Variants in STPG4 observed in about 807,000 individuals in gnomAD.
The protein encoded by STPG4 is sperm-tail PG-rich repeat containing 4, also known as protein STPG4.
In STPG4, 41 loss-of-function variants were observed where a neutral mutation model predicts 31.5. That is an observed-to-expected ratio of 1.30 (90% confidence interval 1.01 to 1.69). The LOEUF (loss-of-function observed/expected upper bound fraction) is 1.69. STPG4 is among the 40% of genes most tolerant of loss of function. STPG4 has a pLI of 0.00. For synonymous variants in STPG4, 141 were observed against 103.0 expected, an observed-to-expected ratio of 1.37 and a Z score of -2.24; for missense variants, 375 against 293.4, an observed-to-expected ratio of 1.28 and a Z score of -2.03.
intron 5 of STPG4, among the ~76,000 whole-genome samples, chr2:47,093,212 C>T (rs948831690): frequency 6.6e-6 from 1 of 152,164 alleles, no homozygotes; most frequent in Non-Finnish European, 1.5e-5. Flanking sequence ...CAGCCAAGCA[C>T]ACATCTGATA....
At chr2:47,132,554 T>C (rs185338856) in intron 3 of STPG4, among the ~76,000 whole-genome samples, 2 of 152,350 alleles carry the variant, frequency 1.3e-5, no homozygotes, top group African/African-American at 2.4e-5. Context: ...ATTTTCCTGA[T>C]GCACCTGTGC....
chr2:47,122,712 T>C (rs567826993), intron 5 of STPG4, among the ~76,000 whole-genome samples: 2 of 152,284 alleles, frequency 1.3e-5, no homozygotes, highest in African/African-American at 2.4e-5. Flanking sequence ...ATGTTTGCTA[T>C]GCGGTCTTTT....
intron 6 of STPG4, among the ~76,000 whole-genome samples, chr2:47,087,461 C>G (rs968932904): frequency 6.6e-6 from 1 of 152,210 alleles, no homozygotes; most frequent in East Asian, 1.9e-4. Flanking sequence ...TTGGCCCAGG[C>G]AACTCCTATC....
At chr2:47,091,461 ATGT>A (rs754129429) in intron 5 of STPG4, among the ~76,000 whole-genome samples, 34 of 152,322 alleles carry the variant, frequency 2.2e-4, no homozygotes, top group Admixed American at 3.9e-4. Flanking sequence ...TGCTAACATG[ATGT>A]TCATCTTTTT....
chr2:47,090,461 G>T, intron 5 of STPG4, 87 bp from the exon 6 acceptor site: 2 of 838,888 alleles, frequency 2.4e-6, no homozygotes, highest in Non-Finnish European at 1.9e-6. Flanking sequence ...ATAAACATAT[G>T]AATCACTGTG....
chr2:47,146,249 G>C (rs1403381830), intron 3 of STPG4, among the ~76,000 whole-genome samples: 2 of 152,172 alleles, frequency 1.3e-5, no homozygotes, highest in Non-Finnish European at 2.9e-5. Context: ...GCAACGTCTG[G>C]AGACATTTTT....
intron 3 of STPG4, among the ~76,000 whole-genome samples, chr2:47,143,409 T>C (rs1283210401): frequency 6.6e-6 from 1 of 151,842 alleles, no homozygotes; most frequent in Non-Finnish European, 1.5e-5. Flanking sequence ...TAATTATTTA[T>C]TAGTTGAAGC....
chr2:47,137,447 G>C (rs1686618189), intron 3 of STPG4, among the ~76,000 whole-genome samples: 1 of 152,044 alleles, frequency 6.6e-6, no homozygotes, highest in African/African-American at 2.4e-5. Flanking sequence ...TTCGTTTTTT[G>C]TAATGTCTTT....
chr2:47,105,157 T>C (rs1456964492), intron 5 of STPG4, among the ~76,000 whole-genome samples: 1 of 151,880 alleles, frequency 6.6e-6, no homozygotes, highest in African/African-American at 2.4e-5. Flanking sequence ...ACAGAACTTC[T>C]CTTTATACGT....
At chr2:47,125,151 T>G (rs1047867149) in intron 5 of STPG4, among the ~76,000 whole-genome samples, 8 of 152,224 alleles carry the variant, frequency 5.3e-5, no homozygotes, top group African/African-American at 1.9e-4. Flanking sequence ...TTGGGCATGG[T>G]GGCTCATGCC....
intron 5 of STPG4, 104 bp from the exon 6 acceptor site, chr2:47,090,478 T>A: frequency 1.3e-6 from 1 of 758,516 alleles, no homozygotes; most frequent in Non-Finnish European, 2.2e-6. Context: ...TGTGATATAG[T>A]AGAAAAATCC....
In STPG4 at chr2:47,152,063, G is replaced by A. The variant is rs546254158; in HGVS notation, c.142-548C>T. Among the ~76,000 whole-genome samples, 24 of 152,096 alleles carry A rather than the reference G, an allele frequency of 1.6e-4. No individual in the cohort carries two copies. The East Asian group carries it at 2.3e-3, about 15-fold the overall frequency. ...CAGGCGTGAGCCACCAGGCCCGGCC[G>A]AAATTTAAGTTTTTAAAAGGCAACT... On this transcript the variant is annotated intron_variant, in intron 2 of 6. Transcript: ENST00000445927.
chr2:47,102,306 C>T (rs914152691), intron 5 of STPG4, among the ~76,000 whole-genome samples: 2 of 151,850 alleles, frequency 1.3e-5, no homozygotes, highest in African/African-American at 4.9e-5. Flanking sequence ...AGATGGGAAA[C>T]ATTCAGGCAT....
chr2:47,144,334 TG>T (rs1426056148), intron 3 of STPG4, among the ~76,000 whole-genome samples: 1 of 152,156 alleles, frequency 6.6e-6, no homozygotes, highest in South Asian at 2.1e-4. Context: ...CCACAGGGGA[TG>T]GCTGAATATA....
rs1267183887 is a variant in STPG4 at position 47,129,969 on chromosome 2, T to C, written c.491A>G (p.Gln164Arg). 1 of 1,600,164 alleles carries C rather than the reference T, an allele frequency of 6.2e-7. No individual in the cohort carries two copies. Among genetic ancestry groups the C allele is most frequent in the East Asian group, 2.2e-5 (1 of 44,824 alleles). The change falls in exon 5 of 7, where the codon CAA (glutamine) becomes CGA (arginine). Residue 164 changes from glutamine (Q) to arginine (R), a missense_variant. Transcript: ENST00000445927. ...AATAAAATAGGTTGTTGGGAATCTT[T>C]GAACTGTTGAGCGAAATACACAGCT... ...SRSCVFRSTV[Q>R]RFPTTYFIPH... is the part of the protein sequence containing the mutation.
intron 5 of STPG4, among the ~76,000 whole-genome samples, chr2:47,100,390 A>C (rs1440610049): frequency 2.0e-5 from 3 of 148,788 alleles, no homozygotes; most frequent in Non-Finnish European, 4.5e-5. Flanking sequence ...CCTTTGTGTC[A>C]ACACTCTGTA....
At chr2:47,089,582 C>A (rs1685526731) in intron 6 of STPG4, among the ~76,000 whole-genome samples, 1 of 151,988 alleles carries the variant, frequency 6.6e-6, no homozygotes, top group Admixed American at 6.6e-5. Context: ...ACCAGCAAGT[C>A]TTGGGGACTT....
chr2:47,130,625 C>G (rs1686460263), intron 3 of STPG4, among the ~76,000 whole-genome samples: 1 of 152,130 alleles, frequency 6.6e-6, no homozygotes, highest in Non-Finnish European at 1.5e-5. Flanking sequence ...AAGCAATTCT[C>G]TGCCTCACCC....
intron 3 of STPG4, among the ~76,000 whole-genome samples, chr2:47,143,288 G>A (rs987674485): frequency 2.0e-5 from 3 of 152,180 alleles, no homozygotes; most frequent in Non-Finnish European, 2.9e-5. Flanking sequence ...TAAACAACGT[G>A]TGAGAGTATC....
Sources: allele counts gnomAD v4.1 joint callset (sites outside exome capture counted in the v4.1 genomes callset), GRCh38; gene constraint gnomAD v4.1.1; transcripts MANE v1.5; gene names NCBI Gene and HGNC (gene_info 2026-07-23, HGNC 2026-07-21).